Variants in JAZF1 observed in about 807,000 individuals in gnomAD.
The protein encoded by JAZF1 is juxtaposed with another zinc finger protein 1.
In JAZF1, 8 loss-of-function variants were observed where a neutral mutation model predicts 26.4. The ratio of observed to expected loss-of-function variants is 0.30; its 90% CI spans 0.18 to 0.55. The LOEUF is 0.55. Among genes scored for constraint, JAZF1 ranks in the 20% least tolerant of loss-of-function variants. JAZF1 has a pLI of 0.94. For synonymous variants in JAZF1, 126 were observed against 122.3 expected (o/e 1.03, Z -0.20); for missense variants, 199 against 322.0 (o/e 0.62, Z 2.92).
chr7:28,127,597 T>C (rs1782718030), intron 1 of JAZF1, among the ~76,000 whole-genome samples: 1 of 151,862 alleles, frequency 6.6e-6, no homozygotes, highest in African/African-American at 2.4e-5. Context: ...AAAGCAGAGA[T>C]AAATGTCAAA....
Position 27,994,606 on chromosome 7 carries a change from A to C in JAZF1, c.116-2625T>G, listed in dbSNP as rs547104316. ...AGGTCCCCAAATCTCCTTTTCAAACAAATGTTTCCTTGGGCAACCTTTAGA... is the reference window on the plus strand; with the variant it reads ...AGGTCCCCAAATCTCCTTTTCAAACCAATGTTTCCTTGGGCAACCTTTAGA... On this transcript the variant is annotated intron_variant, in intron 1 of 4. Transcript: ENST00000283928. Among the ~76,000 whole-genome samples, 22 of 152,320 alleles carry C rather than the reference A, an allele frequency of 1.4e-4. 1 individual carries two copies. Among genetic ancestry groups the C allele is most frequent in the Middle Eastern group, 6.8e-3 (2 of 294 alleles).
chr7:28,081,836 T>C (rs919333924), intron 1 of JAZF1, among the ~76,000 whole-genome samples: 6 of 152,202 alleles, frequency 3.9e-5, no homozygotes, highest in African/African-American at 1.2e-4. Flanking sequence ...AATTCACATA[T>C]TATGCCATTT....
intron 1 of JAZF1, among the ~76,000 whole-genome samples, chr7:28,074,999 C>T (rs140809345): frequency 2.8e-3 from 430 of 152,224 alleles, no homozygotes; most frequent in African/African-American, 9.9e-3. Flanking sequence ...ACACACGTCC[C>T]AGGAAATCAA....
At chr7:28,135,068 T>C (rs1782859424) in intron 1 of JAZF1, among the ~76,000 whole-genome samples, 3 of 152,242 alleles carry the variant, frequency 2.0e-5, no homozygotes, top group South Asian at 4.1e-4. Flanking sequence ...AACTGGGTGA[T>C]TGTAGGGAAG....
intron 2 of JAZF1, among the ~76,000 whole-genome samples, chr7:27,957,204 C>T (rs1785111280): frequency 6.6e-6 from 1 of 152,204 alleles, no homozygotes; most frequent in East Asian, 1.9e-4. Flanking sequence ...AGCAGCCAGA[C>T]CCTGACATCA....
intron 2 of JAZF1, among the ~76,000 whole-genome samples, chr7:27,901,691 C>T (rs1477344643): frequency 2.0e-5 from 3 of 152,170 alleles, no homozygotes; most frequent in Non-Finnish European, 4.4e-5. Context: ...ACACATGGTC[C>T]AGAGGCCTGC....
intron 1 of JAZF1, among the ~76,000 whole-genome samples, chr7:28,098,528 A>G (rs1239730710): frequency 6.6e-6 from 1 of 152,150 alleles, no homozygotes; most frequent in Non-Finnish European, 1.5e-5. Flanking sequence ...ATAGCACTCA[A>G]TCATAATCTC....
At chr7:28,127,001 GTC>G (rs1198832245) in intron 1 of JAZF1, among the ~76,000 whole-genome samples, 3 of 152,186 alleles carry the variant, frequency 2.0e-5, no homozygotes, top group Non-Finnish European at 4.4e-5. Flanking sequence ...AAAGCCCCCT[GTC>G]TCTCAATGAA....
intron 2 of JAZF1, among the ~76,000 whole-genome samples, chr7:27,964,856 T>C (rs1785248118): frequency 6.6e-6 from 1 of 152,162 alleles, no homozygotes; most frequent in African/African-American, 2.4e-5. Flanking sequence ...CTAATCTCAA[T>C]AAAAGTCATT....
At chr7:28,147,725 A>C (rs73300638) in intron 1 of JAZF1, among the ~76,000 whole-genome samples, 27,915 of 145,624 alleles carry the variant, frequency 0.19, 3,533 homozygotes, top group African/African-American at 0.34. Flanking sequence ...TATACACACA[A>C]AAAAAAATTA....
intron 1 of JAZF1, among the ~76,000 whole-genome samples, chr7:28,156,953 C>T (rs970129777): frequency 5.3e-5 from 8 of 152,142 alleles, no homozygotes; most frequent in African/African-American, 7.2e-5. Context: ...TTGTTTATAC[C>T]GGACTCCATA....
chr7:27,896,587 C>T (rs916855), intron 2 of JAZF1, among the ~76,000 whole-genome samples: 64,266 of 151,988 alleles, frequency 0.42, 13,802 homozygotes, highest in East Asian at 0.57. Flanking sequence ...CATGGTATTT[C>T]ACCTAACCTA....
At chr7:27,944,709 C>G (rs1253419516) in intron 2 of JAZF1, among the ~76,000 whole-genome samples, 3 of 152,162 alleles carry the variant, frequency 2.0e-5, no homozygotes, top group African/African-American at 7.2e-5. Context: ...ACATGAGAAT[C>G]TTGGGTGCTG....
chr7:27,895,021 C>A (rs1248601862), intron 3 of JAZF1, among the ~76,000 whole-genome samples, 199 bp downstream of exon 3: 1 of 152,100 alleles, frequency 6.6e-6, no homozygotes, highest in Non-Finnish European at 1.5e-5. Context: ...TTATCACATG[C>A]ATATTAACAA....
intron 1 of JAZF1, among the ~76,000 whole-genome samples, chr7:28,031,579 C>CG (rs1403339924): frequency 1.4e-4 from 21 of 152,174 alleles, no homozygotes; most frequent in African/African-American, 5.1e-4. Context: ...TTTGTGTATG[C>CG]ATAACTTTTT....
chr7:27,973,086 C>T (rs996100102), intron 2 of JAZF1, among the ~76,000 whole-genome samples: 6 of 151,920 alleles, frequency 3.9e-5, no homozygotes, highest in African/African-American at 1.2e-4. Context: ...CCCGCCACAA[C>T]GTTAACATTT....
chr7:27,978,476 T>C (rs1323798212), intron 2 of JAZF1, among the ~76,000 whole-genome samples: 1 of 152,234 alleles, frequency 6.6e-6, no homozygotes, highest in Non-Finnish European at 1.5e-5. Flanking sequence ...GGCAAAATTT[T>C]GTCCTTGTTT....
At chr7:28,159,034 CA>C (rs1672047625) in intron 1 of JAZF1, among the ~76,000 whole-genome samples, 1 of 152,010 alleles carries the variant, frequency 6.6e-6, no homozygotes, top group African/African-American at 2.4e-5. Flanking sequence ...AAGGAGCTCA[CA>C]AGCTGATGAG....
At chr7:27,897,624 A>C (rs1784091809) in intron 2 of JAZF1, among the ~76,000 whole-genome samples, 1 of 152,258 alleles carries the variant, frequency 6.6e-6, no homozygotes, top group South Asian at 2.1e-4. Context: ...TCTGATAGGA[A>C]GCCAAGAATC....
Sources: gnomAD v4.1 joint callset for allele counts (sites outside exome capture counted in the v4.1 genomes callset) on GRCh38, gnomAD v4.1.1 for gene constraint, MANE v1.5 for transcripts, NCBI Gene and HGNC (gene_info 2026-07-23, HGNC 2026-07-21) for gene names.